The following DNAJC2 variants were observed in gnomAD, a reference collection of about 807,000 sequenced individuals.
DNAJC2 encodes DnaJ heat shock protein family (Hsp40) member C2, also known as dnaJ homolog subfamily C member 2.
In DNAJC2, 32 loss-of-function variants were observed where a neutral mutation model predicts 94.0. That is an observed-to-expected ratio of 0.34 (90% CI 0.26 to 0.46). The LOEUF (loss-of-function observed/expected upper bound fraction) is 0.46. DNAJC2 is among the 20% of genes least tolerant of loss of function. The probability of loss-of-function intolerance (pLI) is 1.00; values close to 1 mark genes in which losing one functional copy is unlikely to be tolerated. For synonymous variants in DNAJC2, 210 were observed against 229.7 expected (o/e 0.91, Z 0.77); for missense variants, 550 against 719.5 (o/e 0.76, Z 2.69).
chr7:103,336,659 C>T (rs1237019220), intron 3 of DNAJC2: 1 of 152,212 alleles, frequency 6.6e-6, no homozygotes, highest in South Asian at 2.1e-4. Context: ...GCTATTCTTT[C>T]GTATAGTAAA....
intron 1 of DNAJC2, among the ~76,000 whole-genome samples, chr7:103,342,625 T>G (rs921383532): frequency 2.7e-5 from 4 of 150,814 alleles, no homozygotes; most frequent in African/African-American, 9.8e-5. Context: ...TTTTTTTTTT[T>G]TGGGACGGAG....
intron 4 of DNAJC2, chr7:103,327,284 GAAA>G (rs749664223): frequency 3.2e-5 from 27 of 849,060 alleles, no homozygotes; most frequent in Non-Finnish European, 3.8e-5. Flanking sequence ...CATCTGAAAC[GAAA>G]AAAAAAAAAA....
At chr7:103,315,267 C>T (rs1193872376) in intron 15 of DNAJC2, among the ~76,000 whole-genome samples, 1 of 151,666 alleles carries the variant, frequency 6.6e-6, no homozygotes, top group Non-Finnish European at 1.5e-5. Context: ...TAGAAAGAAT[C>T]CCTGTATACT....
intron 6 of DNAJC2, 38 bp downstream of exon 6, chr7:103,324,444 A>G (rs764253100): frequency 1.8e-5 from 25 of 1,428,184 alleles, no homozygotes; most frequent in Non-Finnish European, 2.3e-5. Context: ...TTTCCTTTTA[A>G]AAAATGACAG....
intron 15 of DNAJC2, chr7:103,314,465 C>T (rs1172491899): frequency 1.5e-5 from 15 of 985,288 alleles, no homozygotes; most frequent in Non-Finnish European, 1.8e-5. Context: ...CACCTCTCCT[C>T]ACAGAAAGCA....
At chr7:103,339,213 T>C (rs1669867425) in intron 2 of DNAJC2, among the ~76,000 whole-genome samples, 1 of 152,244 alleles carries the variant, frequency 6.6e-6, no homozygotes, top group Non-Finnish European at 1.5e-5. Context: ...GCAGTAATAC[T>C]GTCTTGTTCA....
At chr7:103,320,830 C>CTTTTTT (rs745754898) in intron 10 of DNAJC2, 60 of 113,760 alleles carry the variant, frequency 5.3e-4, no homozygotes, top group Non-Finnish European at 6.4e-4. Context: ...CTCAGCATGT[C>CTTTTTT]TTTTTTTTTT....
chr7:103,327,566 T>A (rs957111004), intron 4 of DNAJC2, 90 bp downstream of exon 4: 11 of 826,560 alleles, frequency 1.3e-5, no homozygotes, highest in Non-Finnish European at 1.9e-5. Flanking sequence ...GATAGTTGAA[T>A]GAACTACAGT....
At position 103,312,309 on chromosome 7, in the gene DNAJC2, A is replaced by G; in HGVS notation, c.*260T>C. ...CAAGATTGTTTGAACACATGTATTT[A>G]TAAAACAGAGCTAGAGAAAAATAAA... On this transcript the variant is annotated 3_prime_UTR_variant, in exon 17 of 17. Coordinates refer to ENST00000379263, the MANE Select transcript of DNAJC2 (RefSeq NM_014377.3). 6.2e-7 allele frequency: 1 copy of G among 1,603,994 alleles called. No individual in the cohort carries two copies. Among genetic ancestry groups the G allele is most frequent in the Non-Finnish European group, 8.5e-7 (1 of 1,179,432 alleles).
intron 1 of DNAJC2, among the ~76,000 whole-genome samples, chr7:103,343,805 T>C (rs986860098): frequency 1.3e-5 from 2 of 152,140 alleles, no homozygotes; most frequent in Admixed American, 6.5e-5. Context: ...TTAAGAACAC[T>C]GCCTTTTAAG....
In DNAJC2 at chr7:103,327,636, AC is replaced by A. The variant is rs1563466816; in HGVS notation, c.430+19del. On this transcript the variant is annotated intron_variant, in intron 4 of 16. Coordinates refer to ENST00000379263, the MANE Select transcript of DNAJC2 (RefSeq NM_014377.3). The stretch of plus-strand genomic sequence containing the variant: ...TAACAATTACTATTAGAAATTCCTG[AC>A]TCTAAAGCATTTTCTTACCTTTAGT... 1 of 1,469,388 alleles carries A rather than the reference AC, an allele frequency of 6.8e-7. No homozygotes were observed. The allele number at this position is 1,469,388 out of a possible 1,614,324, so 91.0% of individuals were successfully genotyped here.
At chr7:103,331,152 T>C (rs192538207) in intron 3 of DNAJC2, among the ~76,000 whole-genome samples, 2 of 152,082 alleles carry the variant, frequency 1.3e-5, no homozygotes, top group Non-Finnish European at 2.9e-5. Flanking sequence ...AGACAGGGTT[T>C]TGCCATGTTG....
chr7:103,333,413 AT>A (rs1444941510), intron 3 of DNAJC2, among the ~76,000 whole-genome samples: 9 of 152,186 alleles, frequency 5.9e-5, no homozygotes, highest in African/African-American at 9.6e-5. Context: ...TATTAGCATA[AT>A]TTTTATTTCT....
chr7:103,322,230 C>T (rs1484102420), intron 9 of DNAJC2, 149 bp from the exon 10 acceptor site: 4 of 639,422 alleles, frequency 6.3e-6, no homozygotes, highest in Admixed American at 7.3e-5. Context: ...CTCGGAAAGA[C>T]AGCTGGTAAA....
chr7:103,337,494 C>T, intron 3 of DNAJC2: 3 of 330,250 alleles, frequency 9.1e-6, no homozygotes, highest in Non-Finnish European at 1.1e-5. Context: ...ATTTTGTATC[C>T]ACACACACAC....
At position 103,312,679 on chromosome 7, in the gene DNAJC2, G is replaced by A. The variant is rs774762103; in HGVS notation, c.1792-36C>T. Reference sequence around the variant, plus strand: ...AGAAAGGTGTGATTTAAGAAGTTGCGATTTAAAAACAGACATTTTAATCTA... The same window carrying A: ...AGAAAGGTGTGATTTAAGAAGTTGCAATTTAAAAACAGACATTTTAATCTA... On this transcript the variant is annotated intron_variant, in intron 16 of 16. Transcript: ENST00000379263. 1.7e-5 allele frequency: 28 copies of A among 1,603,370 alleles called. No homozygotes were observed. The South Asian group carries it at 2.6e-4, about 15-fold the overall frequency.
intron 12 of DNAJC2, among the ~76,000 whole-genome samples, chr7:103,318,036 A>C (rs1013377380): frequency 6.6e-6 from 1 of 152,216 alleles, no homozygotes; most frequent in African/African-American, 2.4e-5. Flanking sequence ...TAGTAGTACA[A>C]TGTTGAACCT....
At chr7:103,320,508 C>T (rs1818326131) in intron 10 of DNAJC2, among the ~76,000 whole-genome samples, 1 of 151,986 alleles carries the variant, frequency 6.6e-6, no homozygotes, top group Non-Finnish European at 1.5e-5. Context: ...CTAAAACTGT[C>T]CCAGCACTTT....
intron 12 of DNAJC2, among the ~76,000 whole-genome samples, chr7:103,317,948 T>C (rs1563457148): frequency 1.4e-5 from 1 of 72,064 alleles, no homozygotes; most frequent in Non-Finnish European, 2.7e-5. Context: ...ACCACGCTCA[T>C]AGTGCAGATT....
Sources: gnomAD v4.1 joint callset for allele counts (sites outside exome capture counted in the v4.1 genomes callset) on GRCh38, gnomAD v4.1.1 for gene constraint, MANE v1.5 for transcripts, NCBI Gene and HGNC (gene_info 2026-07-23, HGNC 2026-07-21) for gene names.